TTPA: variants seen among roughly 807,000 people sequenced by gnomAD.
TTPA encodes the protein alpha-tocopherol transfer protein.
In TTPA, 23 loss-of-function variants were observed where a neutral mutation model predicts 25.9. The observed-to-expected ratio is 0.89, with a 90% CI of 0.64 to 1.26. TTPA has a LOEUF of 1.26. Ranked by LOEUF, TTPA falls within the 50% of genes most tolerant of loss-of-function variation. The probability of loss-of-function intolerance (pLI) is 0.00; values close to 1 mark genes in which losing one functional copy is unlikely to be tolerated. For synonymous variants in TTPA, 148 were observed against 137.3 expected, an observed-to-expected ratio of 1.08 and a Z score of -0.54; for missense variants, 337 against 353.1, an observed-to-expected ratio of 0.95 and a Z score of 0.37.
downstream of TTPA, among the ~76,000 whole-genome samples, chr8:63,059,054 C>T (rs1429760210): frequency 1.4e-5 from 1 of 72,726 alleles, no homozygotes; most frequent in Non-Finnish European, 2.3e-5. Context: ...TTTTTTGAGA[C>T]GGAGTCTCGC....
Position 63,086,024 on chromosome 8 carries a change from C to A in TTPA, c.-3G>T. 1 of 1,422,846 alleles carries A rather than the reference C, an allele frequency of 7.0e-7. No homozygotes were observed. The highest frequency in any genetic ancestry group is 1.4e-5 in the South Asian group (1 of 69,266). 88.1% of individuals were successfully genotyped at this position (1,422,846 alleles called of 1,614,324 possible). A position where few individuals can be genotyped will look rare whatever the true frequency, so the allele number is the denominator to read the frequency against. On this transcript the variant is annotated 5_prime_UTR_variant, in exon 1 of 5. Transcript: ENST00000260116. ...GGCTGGGATCGCGCCTCTGCCATGC[C>A]CGCCGCCGCTGCTGCGGCCGCAGCT...
rs2129762908 is a variant in TTPA at position 63,073,036 on chromosome 8, T to A, written c.257A>T (p.Asp86Val). ...WRAECPEISA[D>V]LHPRSIIGLL... ...GCCAATAATACTTCTAGGGTGTAGA[T>A]CTGCACTTATTTCTGGACATTCTGC... The change falls in exon 2 of 5, where the codon GAT (aspartate) becomes GTT (valine). Residue 86 changes from aspartate to valine, a missense_variant. Physicochemically the swap from Asp to Val is radical, Grantham distance 152. Coordinates refer to ENST00000260116, the MANE Select transcript of TTPA (RefSeq NM_000370.3). 6.2e-7 allele frequency: 1 copy of A among 1,613,690 alleles called. No individual in the cohort carries two copies. The highest frequency in any genetic ancestry group is 2.2e-5 in the East Asian group (1 of 44,868).
intron 1 of TTPA, 29 bp downstream of exon 1, chr8:63,085,789 T>C (rs988005513): frequency 2.7e-5 from 42 of 1,530,340 alleles, no homozygotes; most frequent in Admixed American, 5.9e-5. Context: ...AGGTGCGCAC[T>C]GCCGAGCGCC....
chr8:63,078,502 T>C (rs1424811026), intron 1 of TTPA, among the ~76,000 whole-genome samples: 1 of 152,258 alleles, frequency 6.6e-6, no homozygotes, highest in Middle Eastern at 3.4e-3. Context: ...AATGACCGGA[T>C]GGAACTGAAA....
At position 63,060,485 on chromosome 8, in the gene TTPA, A is replaced by C. The variant is rs1805286727; in HGVS notation, c.*767T>G. 1 of 152,158 alleles carries C rather than the reference A, an allele frequency of 6.6e-6. No individual in the cohort carries two copies. Among genetic ancestry groups the C allele is most frequent in the African/African-American group, 2.4e-5 (1 of 41,430 alleles). The allele number at this position is 152,158 out of a possible 1,614,324, so 9.4% of individuals were successfully genotyped here. ...GTAATCCCAGGACTCTGGGAGGCCG[A>C]AGCAGGCAAATTACTTGAGTTCAGG... On this transcript the variant is annotated 3_prime_UTR_variant, in exon 5 of 5. Transcript: ENST00000260116.
intron 1 of TTPA, among the ~76,000 whole-genome samples, chr8:63,075,284 T>C (rs1219562731): frequency 3.9e-5 from 6 of 152,242 alleles, no homozygotes; most frequent in Admixed American, 6.5e-5. Context: ...GTAGGTTTCT[T>C]CTTACATGTT....
intron 1 of TTPA, among the ~76,000 whole-genome samples, chr8:63,083,292 T>G (rs1035022269): frequency 2.0e-5 from 3 of 152,174 alleles, no homozygotes; most frequent in Admixed American, 1.3e-4. Flanking sequence ...ATACACCATG[T>G]AATACTATGC....
chr8:63,070,231 T>G (rs1193707619), intron 2 of TTPA, among the ~76,000 whole-genome samples: 2 of 152,208 alleles, frequency 1.3e-5, no homozygotes, highest in Non-Finnish European at 2.9e-5. Flanking sequence ...AGTAGTATAC[T>G]ATGGGATCTC....
chr8:63,068,227 G>C (rs1267989569), intron 2 of TTPA, among the ~76,000 whole-genome samples: 1 of 152,138 alleles, frequency 6.6e-6, no homozygotes, highest in Non-Finnish European at 1.5e-5. Context: ...TCAAAGCAGA[G>C]AGATGAAGTA....
At chr8:63,062,561 C>G (rs531080593) in intron 4 of TTPA, among the ~76,000 whole-genome samples, 3 of 152,164 alleles carry the variant, frequency 2.0e-5, no homozygotes, top group African/African-American at 7.2e-5. Flanking sequence ...AGAAGAAATT[C>G]TATCTCCTCA....
intron 3 of TTPA, among the ~76,000 whole-genome samples, chr8:63,064,727 C>T (rs1283357426): frequency 6.6e-6 from 1 of 152,080 alleles, no homozygotes; most frequent in Non-Finnish European, 1.5e-5. Flanking sequence ...CACTTTTAAA[C>T]TTTGACATTG....
intron 2 of TTPA, among the ~76,000 whole-genome samples, chr8:63,067,751 A>G (rs1805417198): frequency 2.6e-5 from 4 of 152,074 alleles, no homozygotes; most frequent in South Asian, 4.2e-4. Context: ...AAGTTTTTCA[A>G]CGCTTGCTCC....
rs372152905 is a variant in TTPA at position 63,069,941 on chromosome 8, T to A, written c.358+2994A>T. On this transcript the variant is annotated intron_variant, in intron 2 of 4. Coordinates refer to ENST00000260116, the MANE Select transcript of TTPA (RefSeq NM_000370.3). ...TTCCTTCTCCAGTATCTACTTAATA[T>A]GTATTGAGTGCTTTTATGTACCAGG... 2.0e-5 allele frequency among the ~76,000 whole-genome samples: 3 copies of A among 152,202 alleles called. No individual in the cohort carries two copies. In the South Asian group the frequency reaches 6.2e-4, roughly 32 times the overall value.
At chr8:63,077,153 A>G (rs1372229977) in intron 1 of TTPA, among the ~76,000 whole-genome samples, 1 of 152,236 alleles carries the variant, frequency 6.6e-6, no homozygotes, top group South Asian at 2.1e-4. Context: ...ATACATAAAA[A>G]TATTTTATAA....
intron 2 of TTPA, 46 bp downstream of exon 2, chr8:63,072,889 T>A: frequency 6.2e-7 from 1 of 1,609,810 alleles, no homozygotes; most frequent in Non-Finnish European, 8.5e-7. Flanking sequence ...GGAACACAAC[T>A]GAACTGGAGG....
At chr8:63,077,054 T>C (rs924442631) in intron 1 of TTPA, among the ~76,000 whole-genome samples, 1 of 151,980 alleles carries the variant, frequency 6.6e-6, no homozygotes, top group Non-Finnish European at 1.5e-5. Context: ...TACATTAAAA[T>C]TTAAAATTCT....
chr8:63,059,667 G>A lies in TTPA; in HGVS notation c.*1585C>T, dbSNP rs183833197. 2 of 152,172 alleles carry A rather than the reference G, an allele frequency of 1.3e-5. No homozygotes were observed. The highest frequency in any genetic ancestry group is 3.9e-4 in the East Asian group (2 of 5,184). The allele number at this position is 152,172 out of a possible 1,614,324, so 9.4% of individuals were successfully genotyped here. A position where few individuals can be genotyped will look rare whatever the true frequency, so the allele number is the denominator to read the frequency against. The stretch of plus-strand genomic sequence containing the variant: ...ATAAAATACTAAGTATAAAACTTAT[G>A]TCATAAATTGAGGGCTATGTTGAAT... On this transcript the variant is annotated 3_prime_UTR_variant, in exon 5 of 5. Coordinates refer to ENST00000260116, the MANE Select transcript of TTPA (RefSeq NM_000370.3).
At chr8:63,059,415 A>C (rs1348280882), downstream of TTPA, among the ~76,000 whole-genome samples, 1 of 152,200 alleles carries the variant, frequency 6.6e-6, no homozygotes, top group African/African-American at 2.4e-5. Flanking sequence ...TCTAAAGAAC[A>C]ACCACAATTA....
chr8:63,061,690 G>A (rs1415289883), intron 4 of TTPA, among the ~76,000 whole-genome samples: 3 of 152,060 alleles, frequency 2.0e-5, no homozygotes, highest in South Asian at 2.1e-4. Context: ...TCTTTCATAA[G>A]TAAATTTTTA....
Sources: allele counts gnomAD v4.1 joint callset (sites outside exome capture counted in the v4.1 genomes callset), GRCh38; gene constraint gnomAD v4.1.1; transcripts MANE v1.5; gene names NCBI Gene and HGNC (gene_info 2026-07-23, HGNC 2026-07-21).